Variants in TENM3 observed in about 807,000 individuals in gnomAD.
The protein encoded by TENM3 is teneurin transmembrane protein 3.
TENM3 carries 63 observed loss-of-function variants against 255.1 expected under a neutral mutation model. The ratio of observed to expected loss-of-function variants is 0.25; its 90% CI spans 0.20 to 0.30. The LOEUF (loss-of-function observed/expected upper bound fraction) is 0.30. Among genes scored for constraint, TENM3 ranks in the 10% least tolerant of loss-of-function variants. TENM3 has a pLI of 1.00. For missense variants in TENM3, 2,929 were observed against 3,461.1 expected, an observed-to-expected ratio of 0.85 and a Z score of 3.86; for synonymous variants, 1,306 against 1,322.3, an observed-to-expected ratio of 0.99 and a Z score of 0.27.
At chr4:181,909,939 T>G in the TENM3 span, among the ~76,000 whole-genome samples, 1 of 152,236 alleles carries the variant, frequency 6.6e-6, no homozygotes, top group Non-Finnish European at 1.5e-5. Context: ...TAGAATTTTT[T>G]ACATTTATTT....
intron 1 of TENM3, among the ~76,000 whole-genome samples, chr4:182,268,360 A>G (rs1488669183): frequency 6.6e-6 from 1 of 152,172 alleles, no homozygotes; most frequent in Non-Finnish European, 1.5e-5. Context: ...CCTCATACTT[A>G]GGCAAAAATA....
At chr4:181,613,801 C>A in the TENM3 span, among the ~76,000 whole-genome samples, 3 of 152,166 alleles carry the variant, frequency 2.0e-5, no homozygotes, top group Non-Finnish European at 4.4e-5. Flanking sequence ...TTCACTTTAA[C>A]ATTAAGATGT....
the TENM3 span, among the ~76,000 whole-genome samples, chr4:181,732,405 A>G: frequency 6.6e-6 from 1 of 152,206 alleles, no homozygotes; most frequent in Non-Finnish European, 1.5e-5. Flanking sequence ...TCAGTTTCTT[A>G]ATGTACAGAA....
chr4:182,080,509 A>G, the TENM3 span, among the ~76,000 whole-genome samples: 2 of 152,186 alleles, frequency 1.3e-5, no homozygotes, highest in African/African-American at 4.8e-5. Flanking sequence ...TTTATTTTCT[A>G]TGTTTAGATT....
chr4:182,305,758 G>A (rs773646816), intron 1 of TENM3, among the ~76,000 whole-genome samples: 7 of 152,290 alleles, frequency 4.6e-5, no homozygotes, highest in Non-Finnish European at 1.0e-4. Flanking sequence ...TGTGTCCTGT[G>A]TATGTGACTT....
chr4:181,786,887 CT>C, the TENM3 span, among the ~76,000 whole-genome samples: 1 of 152,184 alleles, frequency 6.6e-6, no homozygotes, highest in African/African-American at 2.4e-5. Flanking sequence ...CCAACAGAAC[CT>C]TGTGACAACC....
chr4:181,666,388 G>C, the TENM3 span, among the ~76,000 whole-genome samples: 1 of 152,086 alleles, frequency 6.6e-6, no homozygotes, highest in African/African-American at 2.4e-5. Context: ...TCATGATTCA[G>C]AACTGTTCAA....
rs565679903 is a variant in TENM3, at chr4:182,718,176, TA to T, written c.2368+3954del. Among the ~76,000 whole-genome samples the T allele has an allele frequency of 2.6e-3, 379 of 148,034 alleles. 3 individuals carry two copies. The highest frequency in any genetic ancestry group is 0.011 in the Middle Eastern group (3 of 276). On this transcript the variant is annotated intron_variant, in intron 13 of 27. Transcript: ENST00000511685. ...CGTTCAACTCAAACATTATTACACG[TA>T]AAAAAAAAAATTATTAGCTTATATA...
At chr4:181,822,982 T>TA in the TENM3 span, among the ~76,000 whole-genome samples, 26 of 151,852 alleles carry the variant, frequency 1.7e-4, 1 homozygote, top group African/African-American at 5.1e-4. Context: ...GAATACGATC[T>TA]AAAAAAAAGG....
At chr4:182,634,443 A>G (rs935260002) in intron 5 of TENM3, among the ~76,000 whole-genome samples, 5 of 152,142 alleles carry the variant, frequency 3.3e-5, no homozygotes, top group African/African-American at 9.7e-5. Flanking sequence ...CAGTTTTTAA[A>G]AATCAAATGT....
intron 5 of TENM3, among the ~76,000 whole-genome samples, chr4:182,650,889 A>AAAATATATATATATATATAT (rs1281790163): frequency 2.0e-4 from 6 of 29,738 alleles, no homozygotes; most frequent in East Asian, 7.8e-4. Flanking sequence ...AATAAAAAAA[A>AAAATATATATATATATATAT]ATATATATAT....
At chr4:182,560,686 C>G (rs930893362) in intron 3 of TENM3, among the ~76,000 whole-genome samples, 1 of 152,182 alleles carries the variant, frequency 6.6e-6, no homozygotes, top group Non-Finnish European at 1.5e-5. Context: ...TGCTGCTTCT[C>G]CAGTTCCCAT....
intron 3 of TENM3, among the ~76,000 whole-genome samples, chr4:182,462,812 G>C (rs995238370): frequency 1.6e-4 from 24 of 151,796 alleles, no homozygotes; most frequent in Admixed American, 6.6e-4. Flanking sequence ...ACTAGAACCT[G>C]GGAGGCAGAG....
chr4:182,724,522 A>G (rs1760011596), intron 13 of TENM3, among the ~76,000 whole-genome samples: 1 of 152,238 alleles, frequency 6.6e-6, no homozygotes, highest in African/African-American at 2.4e-5. Flanking sequence ...TCTTTCTCTG[A>G]TTGATGTTAG....
chr4:181,940,099 A>T, the TENM3 span, among the ~76,000 whole-genome samples: 1 of 152,166 alleles, frequency 6.6e-6, no homozygotes, highest in African/African-American at 2.4e-5. Flanking sequence ...ATCCATCAAT[A>T]AAAAATAACA....
intron 3 of TENM3, among the ~76,000 whole-genome samples, chr4:182,355,800 G>A (rs1225628242): frequency 6.6e-6 from 1 of 151,952 alleles, no homozygotes; most frequent in Non-Finnish European, 1.5e-5. Flanking sequence ...CAAGTTGAAA[G>A]TTAAAGTATT....
At chr4:181,605,041 C>T in the TENM3 span, among the ~76,000 whole-genome samples, 1 of 152,158 alleles carries the variant, frequency 6.6e-6, no homozygotes, top group Non-Finnish European at 1.5e-5. Context: ...CTTACATCCA[C>T]CATGTGATTT....
In TENM3 at chr4:182,149,428, A is replaced by G. The variant is rs1750182977; in HGVS notation, c.-76+4674A>G. On this transcript the variant is annotated intron_variant, in intron 1 of 2. Coordinates refer to the TENM3 transcript ENST00000512480. Reference sequence around the variant, plus strand: ...GTGATTGCCTAGCTAGAACAGCTACATGGAATTTACTAAAAATAGTGATCT... The same window carrying G: ...GTGATTGCCTAGCTAGAACAGCTACGTGGAATTTACTAAAAATAGTGATCT... Among the ~76,000 whole-genome samples the G allele has an allele frequency of 2.0e-5, 3 of 152,034 alleles. No individual in the cohort carries two copies. In the South Asian group the frequency reaches 6.2e-4, roughly 31 times the overall value.
Position 182,415,120 on chromosome 4 carries a change from G to A in TENM3, c.511+68191G>A, listed in dbSNP as rs79470344. ...CCATTAAGTCTATTTTTTTCCAGAA[G>A]CCTATAGATTTCAGATGGCCTTTAA... is the stretch of plus-strand genomic sequence containing the variant. On this transcript the variant is annotated intron_variant, in intron 3 of 27. Transcript: ENST00000511685. 1.9e-3 allele frequency among the ~76,000 whole-genome samples: 286 copies of A among 152,234 alleles called. 1 individual carries two copies. Among genetic ancestry groups the A allele is most frequent in the Non-Finnish European group, 3.3e-3 (225 of 68,022 alleles).
Sources: gnomAD v4.1 joint callset for allele counts (sites outside exome capture counted in the v4.1 genomes callset) on GRCh38, gnomAD v4.1.1 for gene constraint, MANE v1.5 for transcripts, NCBI Gene and HGNC (gene_info 2026-07-23, HGNC 2026-07-21) for gene names.